Variants in FOCAD observed in about 807,000 individuals in gnomAD.
FOCAD encodes focadhesin.
In FOCAD, 198 loss-of-function variants were observed where a neutral mutation model predicts 225.6. That is an observed-to-expected ratio of 0.88 (90% CI 0.78 to 0.99). The LOEUF (loss-of-function observed/expected upper bound fraction) is 0.99, where lower values mean the gene tolerates loss of function less well. Among genes scored for constraint, FOCAD ranks in the 50% least tolerant of loss-of-function variants. The pLI is 0.00. For synonymous variants in FOCAD, 897 were observed against 755.0 expected (o/e 1.19, Z -3.08); for missense variants, 2,713 against 2,123.6 (o/e 1.28, Z -5.46).
At chr9:20,773,907 A>G (rs1480486782) in intron 8 of FOCAD, among the ~76,000 whole-genome samples, 1 of 152,108 alleles carries the variant, frequency 6.6e-6, no homozygotes, top group East Asian at 1.9e-4. Flanking sequence ...ACAGACTGGT[A>G]TTGGTTCCTT....
At chr9:20,760,328 T>C (rs867825331) in intron 6 of FOCAD, among the ~76,000 whole-genome samples, 7 of 152,230 alleles carry the variant, frequency 4.6e-5, no homozygotes, top group African/African-American at 1.4e-4. Flanking sequence ...ACAAAAAGGA[T>C]TGGTTTCTGA....
Position 20,840,237 on chromosome 9 carries a change from G to A in FOCAD, c.1920+17122G>A, listed in dbSNP as rs72703948. On this transcript the variant is annotated intron_variant, in intron 15 of 43. Coordinates refer to ENST00000338382, the MANE Select transcript of FOCAD (RefSeq NM_001375567.1). ...TGATAGGGATTGCAATAAATTTATAGATTTCTTTAAATAATGTGGACATTT... is the reference window on the plus strand; with the variant it reads ...TGATAGGGATTGCAATAAATTTATAAATTTCTTTAAATAATGTGGACATTT... Among the ~76,000 whole-genome samples, 1,023 of 152,038 alleles carry A rather than the reference G, an allele frequency of 6.7e-3. 6 individuals are homozygous for A. Among genetic ancestry groups the A allele is most frequent in the Non-Finnish European group, 0.011 (754 of 67,914 alleles).
chr9:20,906,208 T>C (rs1043232568), intron 21 of FOCAD, among the ~76,000 whole-genome samples: 4 of 152,036 alleles, frequency 2.6e-5, no homozygotes, highest in African/African-American at 9.7e-5. Context: ...TATCTTCTTA[T>C]CTTCCCTATC....
At chr9:20,672,722 A>AT (rs1822105595) in intron 2 of FOCAD, among the ~76,000 whole-genome samples, 1 of 152,232 alleles carries the variant, frequency 6.6e-6, no homozygotes, top group African/African-American at 2.4e-5. Flanking sequence ...AAGTGTTAGG[A>AT]TTACAGGCGT....
At chr9:20,883,713 G>T (rs1453368296) in intron 20 of FOCAD, among the ~76,000 whole-genome samples, 1 of 152,082 alleles carries the variant, frequency 6.6e-6, no homozygotes, top group Non-Finnish European at 1.5e-5. Context: ...TGATAATGAA[G>T]ATAAGCCATA....
chr9:20,948,053 T>G (rs916079956), intron 30 of FOCAD, among the ~76,000 whole-genome samples: 1 of 152,026 alleles, frequency 6.6e-6, no homozygotes, highest in African/African-American at 2.4e-5. Flanking sequence ...GAAGCTGAAT[T>G]CCTTGCAATT....
intron 10 of FOCAD, 104 bp from the exon 11 acceptor site, chr9:20,789,247 G>T: frequency 7.9e-7 from 1 of 1,267,890 alleles, no homozygotes; most frequent in South Asian, 1.4e-5. Context: ...TCATTTTGTT[G>T]GAAGGAGTGA....
intron 15 of FOCAD, among the ~76,000 whole-genome samples, chr9:20,823,379 A>G (rs1327977165): frequency 1.3e-5 from 2 of 152,076 alleles, no homozygotes; most frequent in Non-Finnish European, 2.9e-5. Context: ...ATTTTTGTTA[A>G]AACAAAAGGG....
chr9:20,926,974 A>G (rs1835015219), intron 26 of FOCAD, among the ~76,000 whole-genome samples: 1 of 150,156 alleles, frequency 6.7e-6, no homozygotes, highest in Non-Finnish European at 1.5e-5. Context: ...TTAATGTTAT[A>G]TATGTACGTA....
chr9:20,681,720 T>C (rs1211731705), upstream of FOCAD, among the ~76,000 whole-genome samples: 1 of 152,212 alleles, frequency 6.6e-6, no homozygotes, highest in Admixed American at 6.5e-5. Context: ...GTGCCTGGTA[T>C]AGCATTAGAT....
At chr9:20,992,500 T>TA (rs1236332416) in intron 42 of FOCAD, among the ~76,000 whole-genome samples, 1 of 152,140 alleles carries the variant, frequency 6.6e-6, no homozygotes, top group African/African-American at 2.4e-5. Context: ...AGAAAGAGCA[T>TA]AGGGCTCTGA....
At chr9:20,703,337 G>T (rs553131807) in intron 1 of FOCAD, among the ~76,000 whole-genome samples, 1 of 152,048 alleles carries the variant, frequency 6.6e-6, no homozygotes, top group Non-Finnish European at 1.5e-5. Flanking sequence ...GTGGTTGTCG[G>T]GGTGGTTTAA....
intron 35 of FOCAD, among the ~76,000 whole-genome samples, chr9:20,968,885 GC>G: frequency 6.6e-6 from 1 of 152,074 alleles, no homozygotes; most frequent in South Asian, 2.1e-4. Flanking sequence ...TTTTTAAAAT[GC>G]CTTTTTAAAA....
chr9:20,820,112 T>C lies in FOCAD; in HGVS notation c.1560+212T>C, dbSNP rs1488851388. Among the ~76,000 whole-genome samples the C allele has an allele frequency of 2.6e-5, 4 of 152,240 alleles. No homozygotes were observed. In the East Asian group the frequency reaches 7.7e-4, roughly 29 times the overall value. On this transcript the variant is annotated intron_variant, in intron 12 of 43. Transcript: ENST00000338382. ...TTACTTAGTATCTAAGTTTTCACTT[T>C]GGCTATTCTCTGAGATTAGGTCCTT...
intron 11 of FOCAD, among the ~76,000 whole-genome samples, chr9:20,818,740 A>C (rs1824005213): frequency 6.6e-6 from 1 of 152,034 alleles, no homozygotes; most frequent in Non-Finnish European, 1.5e-5. Flanking sequence ...TTCTAATCTT[A>C]TGCCAGTACC....
chr9:20,826,517 T>A (rs1435328639), intron 15 of FOCAD, among the ~76,000 whole-genome samples: 3 of 152,066 alleles, frequency 2.0e-5, no homozygotes, highest in Non-Finnish European at 4.4e-5. Flanking sequence ...TGCTCCTTAG[T>A]TTGCATATGG....
intron 21 of FOCAD, chr9:20,897,002 C>G (rs1376041853): frequency 6.6e-6 from 1 of 151,840 alleles, no homozygotes; most frequent in Admixed American, 6.6e-5. Flanking sequence ...GTTGAAGTCT[C>G]TGGCTATACG....
chr9:20,658,197 C>T (rs1821575118), upstream of FOCAD: 1 of 152,334 alleles, frequency 6.6e-6, no homozygotes, highest in African/African-American at 2.4e-5. Context: ...CAGACAGGGA[C>T]ACTTAAGTCT....
At chr9:20,825,170 TG>T (rs1349721102) in intron 15 of FOCAD, among the ~76,000 whole-genome samples, 2 of 151,646 alleles carry the variant, frequency 1.3e-5, no homozygotes, top group African/African-American at 4.8e-5. Context: ...TGTGTGTGTG[TG>T]TGTGTGTGTG....
Sources: allele counts gnomAD v4.1 joint callset (sites outside exome capture counted in the v4.1 genomes callset), GRCh38; gene constraint gnomAD v4.1.1; transcripts MANE v1.5; gene names NCBI Gene and HGNC (gene_info 2026-07-23, HGNC 2026-07-21).